SORCS2: variants seen among roughly 807,000 people sequenced by gnomAD.
SORCS2 encodes sortilin related VPS10 domain containing receptor 2.
SORCS2 carries 100 observed loss-of-function variants against 141.6 expected under a neutral mutation model. The observed-to-expected ratio is 0.71, with a 90% CI of 0.60 to 0.83. SORCS2 has a LOEUF of 0.83. SORCS2 is among the 40% of genes least tolerant of loss of function. The probability of loss-of-function intolerance (pLI) is 0.00; values close to 1 mark genes in which losing one functional copy is unlikely to be tolerated. For missense variants in SORCS2, 1,646 were observed against 1,560.2 expected (o/e 1.05, Z -0.93); for synonymous variants, 789 against 676.9 (o/e 1.17, Z -2.57).
At chr4:7,247,733 G>T (rs1713204286) in intron 1 of SORCS2, among the ~76,000 whole-genome samples, 1 of 152,190 alleles carries the variant, frequency 6.6e-6, no homozygotes, top group African/African-American at 2.4e-5. Context: ...CTGGCGAGGG[G>T]CCTGCTTCTT....
intron 26 of SORCS2, among the ~76,000 whole-genome samples, chr4:7,739,227 C>T (rs143933164): frequency 9.1e-4 from 139 of 152,288 alleles, no homozygotes; most frequent in African/African-American, 2.9e-3. Context: ...CCGAAGGCCC[C>T]GGGCCGCGGG....
intron 2 of SORCS2, among the ~76,000 whole-genome samples, chr4:7,403,725 A>C (rs973381284): frequency 4.0e-5 from 6 of 151,478 alleles, no homozygotes; most frequent in African/African-American, 1.2e-4. Context: ...TTAATTCCAT[A>C]ATCTTTAATT....
In SORCS2 at chr4:7,676,229, G is replaced by C; in HGVS notation, c.1341G>C (p.Glu447Asp). Residue 447 changes from glutamate to aspartate, a missense_variant and splice_region_variant, in exon 9 of 27, where the codon GAG (glutamate) becomes GAC (aspartate). Physicochemically the swap from Glu to Asp is conservative, Grantham distance 45. Coordinates refer to ENST00000507866, the MANE Select transcript of SORCS2 (RefSeq NM_020777.3). ...AEESVLIDIL[E>D]VRGVKGVFLA... ...AGAGCGTGCTCATCGACATCCTGGAGGTGGGTCCAGGGTGGATGTGGGCCA... is the reference window on the plus strand; with the variant it reads ...AGAGCGTGCTCATCGACATCCTGGACGTGGGTCCAGGGTGGATGTGGGCCA... 6.5e-7 allele frequency: 1 copy of C among 1,550,302 alleles called. No homozygotes were observed. Among genetic ancestry groups the C allele is most frequent in the Non-Finnish European group, 8.7e-7 (1 of 1,146,902 alleles).
intron 1 of SORCS2, among the ~76,000 whole-genome samples, chr4:7,312,428 C>T (rs1718243868): frequency 2.6e-5 from 4 of 152,116 alleles, no homozygotes; most frequent in Admixed American, 2.6e-4. Flanking sequence ...GCACAATGAC[C>T]CCTCTGATGC....
At chr4:7,381,237 C>T (rs920948921) in intron 1 of SORCS2, among the ~76,000 whole-genome samples, 1 of 152,204 alleles carries the variant, frequency 6.6e-6, no homozygotes, top group South Asian at 2.1e-4. Flanking sequence ...GACAGTGACT[C>T]CTGGCTCTCT....
chr4:7,276,867 T>G (rs1462051143), intron 1 of SORCS2, among the ~76,000 whole-genome samples: 2 of 152,112 alleles, frequency 1.3e-5, no homozygotes, highest in Non-Finnish European at 2.9e-5. Context: ...TGTGGGTGCA[T>G]CCAACCCCGT....
intron 1 of SORCS2, among the ~76,000 whole-genome samples, chr4:7,250,546 C>T (rs1713428981): frequency 1.3e-5 from 2 of 152,356 alleles, no homozygotes; most frequent in African/African-American, 4.8e-5. Context: ...TCGTTGGATC[C>T]TGTGGAATAA....
intron 1 of SORCS2, among the ~76,000 whole-genome samples, chr4:7,357,418 G>A (rs975552046): frequency 1.3e-5 from 2 of 152,220 alleles, no homozygotes; most frequent in Admixed American, 6.5e-5. Flanking sequence ...CTGAGACTGG[G>A]AACGTTGGCC....
intron 1 of SORCS2, among the ~76,000 whole-genome samples, chr4:7,319,352 A>G (rs951590550): frequency 6.6e-6 from 1 of 152,094 alleles, no homozygotes; most frequent in Non-Finnish European, 1.5e-5. Context: ...TTTGTTGCCT[A>G]AGGAACAAAT....
intron 14 of SORCS2, among the ~76,000 whole-genome samples, chr4:7,709,305 G>A (rs1477056211): frequency 2.0e-5 from 3 of 152,164 alleles, no homozygotes; most frequent in African/African-American, 7.2e-5. Flanking sequence ...GTCCATCCGG[G>A]AGCCGTGAAT....
intron 2 of SORCS2, among the ~76,000 whole-genome samples, chr4:7,517,061 C>T (rs1445154685): frequency 6.6e-6 from 1 of 152,208 alleles, no homozygotes; most frequent in Non-Finnish European, 1.5e-5. Flanking sequence ...GAAGTCGACA[C>T]AGGCGTGACT....
At chr4:7,353,017 T>C (rs1721038599) in intron 1 of SORCS2, among the ~76,000 whole-genome samples, 1 of 152,094 alleles carries the variant, frequency 6.6e-6, no homozygotes, top group Non-Finnish European at 1.5e-5. Context: ...AACCTGAGGT[T>C]GTGTCTGAGG....
chr4:7,480,465 A>G (rs1177738194), intron 2 of SORCS2, among the ~76,000 whole-genome samples: 1 of 152,220 alleles, frequency 6.6e-6, no homozygotes, highest in Non-Finnish European at 1.5e-5. Context: ...GACCCACTGC[A>G]GGTGGGAGAC....
At chr4:7,670,447 T>C (rs4689152) in intron 8 of SORCS2, among the ~76,000 whole-genome samples, 105,059 of 152,214 alleles carry the variant, frequency 0.69, 40,063 homozygotes, top group South Asian at 0.9. Context: ...AATGCAAATT[T>C]AAAGTGAAAT....
In SORCS2 at chr4:7,663,641, C is replaced by T. The variant is rs941078488; in HGVS notation, c.953-712C>T. 2.0e-5 allele frequency among the ~76,000 whole-genome samples: 3 copies of T among 152,168 alleles called. No homozygotes were observed. Among genetic ancestry groups the T allele is most frequent in the African/African-American group, 4.8e-5 (2 of 41,424 alleles). On this transcript the variant is annotated intron_variant, in intron 6 of 26. Transcript: ENST00000507866. The surrounding 1 kb of genome is among the most constrained non-coding windows in gnomAD (Gnocchi z 4.8). ...ACCTGAGGCTGAGCTTAGGGGTGGGCTTTTCTGGTTTCTAAACGTCTTCCC... is the reference window on the plus strand; with the variant it reads ...ACCTGAGGCTGAGCTTAGGGGTGGGTTTTTCTGGTTTCTAAACGTCTTCCC...
intron 2 of SORCS2, among the ~76,000 whole-genome samples, chr4:7,473,736 C>G (rs2109351884): frequency 6.6e-6 from 1 of 151,130 alleles, no homozygotes; most frequent in East Asian, 2.0e-4. Flanking sequence ...GAGGCTGTGA[C>G]TTGGCAATGG....
chr4:7,410,672 G>C (rs1380887534), intron 2 of SORCS2, among the ~76,000 whole-genome samples: 1 of 152,130 alleles, frequency 6.6e-6, no homozygotes, highest in East Asian at 1.9e-4. Flanking sequence ...CTCAGTGTTT[G>C]CTTTAACATC....
Position 7,689,551 on chromosome 4 carries a change from C to T in SORCS2, c.1554C>T (p.His518=), listed in dbSNP as rs755305629. The T allele has an allele frequency of 6.2e-7, 1 of 1,605,394 alleles. No individual in the cohort carries two copies. Among genetic ancestry groups the T allele is most frequent in the Non-Finnish European group, 8.5e-7 (1 of 1,176,540 alleles). Residue 518 remains histidine (H), a synonymous_variant, in exon 11 of 27, where the codon CAC becomes CAT. Transcript: ENST00000507866. ...ACCCCTACGTATCAGGCACCGTGCA[C>T]ACCAAGGACACCGCCCCAGGCCTCA... ...ADNPYVSGTV[H]TKDTAPGLIM...
chr4:7,196,926 G>T (rs567905008), intron 1 of SORCS2, among the ~76,000 whole-genome samples: 1 of 152,190 alleles, frequency 6.6e-6, no homozygotes, highest in African/African-American at 2.4e-5. Flanking sequence ...CCAAGTTTGC[G>T]TGAGAATTCC....
Sources: gnomAD v4.1 joint callset for allele counts (sites outside exome capture counted in the v4.1 genomes callset) on GRCh38, gnomAD v4.1.1 for gene constraint, Gnocchi (gnomAD v3.1) non-coding constraint, MANE v1.5 for transcripts, NCBI Gene and HGNC (gene_info 2026-07-23, HGNC 2026-07-21) for gene names.